CRTAC1: variants seen among roughly 807,000 people sequenced by gnomAD.
CRTAC1 encodes the protein cartilage acidic protein 1, also known as acidic secreted protein in cartilage.
A neutral mutation model predicts 67.8 loss-of-function variants in CRTAC1; 37 were observed. The ratio of observed to expected loss-of-function variants is 0.55; its 90% CI spans 0.42 to 0.72. The LOEUF is 0.72. CRTAC1 is among the 30% of genes least tolerant of loss of function. The pLI, the probability that CRTAC1 is intolerant of heterozygous loss-of-function variation, is 0.00. For synonymous variants in CRTAC1, 348 were observed against 371.0 expected, an observed-to-expected ratio of 0.94 and a Z score of 0.71; for missense variants, 780 against 931.6, an observed-to-expected ratio of 0.84 and a Z score of 2.12.
At chr10:97,983,506 C>T (rs2051931437) in intron 2 of CRTAC1, among the ~76,000 whole-genome samples, 2 of 148,232 alleles carry the variant, frequency 1.3e-5, no homozygotes, top group Admixed American at 1.3e-4. Context: ...CCTCTCCCTC[C>T]CCTCATTGGG....
intron 8 of CRTAC1, among the ~76,000 whole-genome samples, chr10:97,898,181 G>A (rs1259667768): frequency 6.6e-6 from 1 of 152,180 alleles, no homozygotes; most frequent in East Asian, 1.9e-4. Context: ...TGTGTTCATT[G>A]AACACATTCT....
intron 1 of CRTAC1, among the ~76,000 whole-genome samples, chr10:98,027,095 A>G (rs868404333): frequency 1.3e-5 from 2 of 150,060 alleles, no homozygotes; most frequent in African/African-American, 2.5e-5. Context: ...TGAACCCGGG[A>G]GGCGGAGCTT....
In CRTAC1 at chr10:97,917,648, TC is replaced by T; in HGVS notation, c.566del (p.Gly189AspfsTer135). The T allele has an allele frequency of 6.4e-7, 1 of 1,555,778 alleles. No individual in the cohort carries two copies. Among genetic ancestry groups the T allele is most frequent in the Non-Finnish European group, 8.7e-7 (1 of 1,143,166 alleles). On this transcript the variant is annotated frameshift_variant, in exon 5 of 15. Transcript: ENST00000370597. LOFTEE classifies it high-confidence loss of function. Reference sequence around the variant, plus strand: ...AATTGGCAATGTAGATAGAGTAGCGTCCAGAGCCCTGAGGAAGAAGGGAAGG... The same window carrying T: ...AATTGGCAATGTAGATAGAGTAGCGTCAGAGCCCTGAGGAAGAAGGGAAGG... ...SVACVDRKGS[G>X]RYSIYIANYA...
intron 2 of CRTAC1, among the ~76,000 whole-genome samples, chr10:97,953,683 G>A (rs149723353): frequency 9.8e-4 from 150 of 152,294 alleles, no homozygotes; most frequent in African/African-American, 3.3e-3. Flanking sequence ...ACCTTTCAGT[G>A]AGAAACTAAA....
At chr10:97,952,158 C>T (rs969262242) in intron 2 of CRTAC1, among the ~76,000 whole-genome samples, 4 of 152,084 alleles carry the variant, frequency 2.6e-5, no homozygotes, top group Non-Finnish European at 5.9e-5. Context: ...CAAGACCAGC[C>T]TGGCTAACAC....
At chr10:97,924,529 C>G (rs990312002) in intron 3 of CRTAC1, among the ~76,000 whole-genome samples, 1 of 152,196 alleles carries the variant, frequency 6.6e-6, no homozygotes, top group African/African-American at 2.4e-5. Context: ...TGGAAATGAT[C>G]TGGAGCCCCA....
chr10:97,888,979 G>A (rs1278938064), intron 11 of CRTAC1, among the ~76,000 whole-genome samples: 2 of 152,124 alleles, frequency 1.3e-5, no homozygotes, highest in Non-Finnish European at 2.9e-5. Flanking sequence ...CAATTTTTAT[G>A]TGGGCCACTG....
At chr10:97,919,815 C>T (rs1185685566) in intron 4 of CRTAC1, among the ~76,000 whole-genome samples, 1 of 131,916 alleles carries the variant, frequency 7.6e-6, no homozygotes, top group Non-Finnish European at 1.6e-5. Context: ...GTCACTCAGG[C>T]TCACTGCAGC....
intron 14 of CRTAC1, chr10:97,878,729 C>T (rs1391888019): frequency 7.7e-7 from 1 of 1,301,472 alleles, no homozygotes; most frequent in Non-Finnish European, 1.0e-6. Context: ...AGGCCTATGT[C>T]CAGCCAGACA....
intron 8 of CRTAC1, among the ~76,000 whole-genome samples, chr10:97,899,120 G>A (rs2050499366): frequency 6.6e-6 from 1 of 152,208 alleles, no homozygotes; most frequent in African/African-American, 2.4e-5. Flanking sequence ...AGCCCCCGTG[G>A]TGTGGGACAG....
intron 2 of CRTAC1, among the ~76,000 whole-genome samples, chr10:98,009,013 C>T (rs1842854468): frequency 6.6e-6 from 1 of 152,130 alleles, no homozygotes; most frequent in Admixed American, 6.5e-5. Context: ...AGGAGGGTGT[C>T]TCCCTGATTC....
chr10:97,908,260 G>T, intron 5 of CRTAC1, 113 bp from the exon 6 acceptor site: 1 of 1,140,602 alleles, frequency 8.8e-7, no homozygotes, highest in South Asian at 1.5e-5. Context: ...CCTCAGAGGA[G>T]CCTGGGGGGA....
chr10:97,940,663 G>A (rs887595524), intron 2 of CRTAC1, among the ~76,000 whole-genome samples: 3 of 152,232 alleles, frequency 2.0e-5, no homozygotes, highest in Non-Finnish European at 4.4e-5. Flanking sequence ...CAGCCTGGGG[G>A]TGGGGTCCTG....
chr10:97,914,934 G>A (rs2050737989), intron 5 of CRTAC1, among the ~76,000 whole-genome samples: 1 of 152,084 alleles, frequency 6.6e-6, no homozygotes, highest in Non-Finnish European at 1.5e-5. Flanking sequence ...CCACTAGATG[G>A]CACTGTGACC....
At chr10:97,910,453 C>A (rs1464112094) in intron 5 of CRTAC1, among the ~76,000 whole-genome samples, 1 of 152,142 alleles carries the variant, frequency 6.6e-6, no homozygotes, top group African/African-American at 2.4e-5. Context: ...TCTAACAAGA[C>A]CCCTGGGTGG....
chr10:97,874,011 T>C (rs1158597440), intron 14 of CRTAC1, among the ~76,000 whole-genome samples: 2 of 152,234 alleles, frequency 1.3e-5, no homozygotes, highest in Non-Finnish European at 2.9e-5. Context: ...GGATAAGCCC[T>C]GCCTCTCTTA....
At position 97,923,384 on chromosome 10, in the gene CRTAC1, G is replaced by A. The variant is rs768709165; in HGVS notation, c.438C>T (p.Thr146=). The change falls in exon 4 of 15, where the codon ACC becomes ACT. Residue 146 remains threonine (T), a synonymous_variant. Coordinates refer to ENST00000370597, the MANE Select transcript of CRTAC1 (RefSeq NM_018058.7). ...NNAFSGVATY[T]DKLFKFRNNR... ...TATTGCGGAACTTGAACAACTTGTCGGTGTACGTGGCCACCCCTGGAGAGA... is the reference window on the plus strand; with the variant it reads ...TATTGCGGAACTTGAACAACTTGTCAGTGTACGTGGCCACCCCTGGAGAGA... 5.0e-6 allele frequency: 8 copies of A among 1,613,994 alleles called. No individual in the cohort carries two copies. The highest frequency in any genetic ancestry group is 1.7e-5 in the Admixed American group (1 of 60,004).
chr10:97,980,726 A>G (rs2051880073), intron 2 of CRTAC1, among the ~76,000 whole-genome samples: 1 of 152,244 alleles, frequency 6.6e-6, no homozygotes, highest in Admixed American at 6.5e-5. Flanking sequence ...GGCTCAGAGA[A>G]GTCTGGCACA....
chr10:97,882,912 T>C (rs2136540553), intron 12 of CRTAC1, 84 bp from the exon 13 acceptor site: 2 of 1,397,252 alleles, frequency 1.4e-6, no homozygotes, highest in Non-Finnish European at 2.0e-6. Context: ...CACAGAGTAG[T>C]TGTCACCCTA....
Sources: allele counts gnomAD v4.1 joint callset (sites outside exome capture counted in the v4.1 genomes callset), GRCh38; gene constraint gnomAD v4.1.1; transcripts MANE v1.5; gene names NCBI Gene and HGNC (gene_info 2026-07-23, HGNC 2026-07-21).